Variants in ANO2 observed in about 807,000 individuals in gnomAD.
ANO2 encodes the protein anoctamin-2.
A neutral mutation model predicts 124.2 loss-of-function variants in ANO2; 101 were observed. The ratio of observed to expected loss-of-function variants is 0.81; its 90% confidence interval spans 0.69 to 0.96. The LOEUF is 0.96. ANO2 is among the 40% of genes least tolerant of loss of function. The pLI is 0.00. For synonymous variants in ANO2, 486 were observed against 482.5 expected, an observed-to-expected ratio of 1.01 and a Z score of -0.09; for missense variants, 1,293 against 1,274.5, an observed-to-expected ratio of 1.01 and a Z score of -0.22.
intron 10 of ANO2, among the ~76,000 whole-genome samples, chr12:5,796,348 ACT>A (rs576594532): frequency 3.3e-5 from 5 of 149,754 alleles, no homozygotes; most frequent in Non-Finnish European, 5.9e-5. Flanking sequence ...GCACGCTCAC[ACT>A]CTCACACACA....
At position 5,784,890 on chromosome 12, in the gene ANO2, C is replaced by A. The variant is rs555788388; in HGVS notation, c.1055+14617G>T. Among the ~76,000 whole-genome samples, 12 of 152,302 alleles carry A rather than the reference C, an allele frequency of 7.9e-5. No homozygotes were observed. The South Asian group carries it at 1.5e-3, about 18-fold the overall frequency. ...AGCCCTTCACCAGGCCTCTCCCCTG[C>A]CGAGTTTGCTCATTGCTTGAAGTCT... is the stretch of plus-strand genomic sequence containing the variant. On this transcript the variant is annotated intron_variant, in intron 10 of 24. Transcript: ENST00000682330.
At chr12:5,857,772 TGATAGATAGATAGATAGATA>T (rs59071869) in intron 3 of ANO2, among the ~76,000 whole-genome samples, 22 of 148,410 alleles carry the variant, frequency 1.5e-4, no homozygotes, top group Admixed American at 6.8e-4. Context: ...AAAAGAAATG[TGATAGATAGATAGATAGATA>T]GATAGATAGA....
rs1565437822 is a variant in ANO2 at position 5,583,478 on chromosome 12, CCCG to C, written c.2234-4963_2234-4961del. On this transcript the variant is annotated intron_variant, in intron 20 of 24. Coordinates refer to ENST00000682330, the MANE Select transcript of ANO2 (RefSeq NM_001364791.2). ...ACCATCTTGGCTAACACGGTGAAAC[CCCG>C]TCTCTACTAAAAATACAAAAAATTA... 5.9e-5 allele frequency among the ~76,000 whole-genome samples: 9 copies of C among 151,366 alleles called. No homozygotes were observed. The East Asian group carries it at 1.2e-3, about 20-fold the overall frequency.
At chr12:5,788,644 T>C (rs1952610168) in intron 10 of ANO2, among the ~76,000 whole-genome samples, 1 of 152,202 alleles carries the variant, frequency 6.6e-6, no homozygotes, top group Non-Finnish European at 1.5e-5. Flanking sequence ...CTGCAACCTC[T>C]GCCTCCAGGG....
chr12:5,686,151 C>T (rs1948697634), intron 14 of ANO2, among the ~76,000 whole-genome samples: 1 of 152,116 alleles, frequency 6.6e-6, no homozygotes, highest in South Asian at 2.1e-4. Context: ...ACAGTAAAGT[C>T]CCCTTCCCCT....
At chr12:5,605,611 T>C (rs1944179340) in intron 19 of ANO2, among the ~76,000 whole-genome samples, 1 of 152,176 alleles carries the variant, frequency 6.6e-6, no homozygotes, top group African/African-American at 2.4e-5. Context: ...CCATTTCCAA[T>C]TTTGCTTCGA....
chr12:5,612,451 G>T (rs1394181923), intron 19 of ANO2, among the ~76,000 whole-genome samples: 1 of 152,150 alleles, frequency 6.6e-6, no homozygotes, highest in Non-Finnish European at 1.5e-5. Flanking sequence ...TAAGCAAAGG[G>T]TAAATCCTTC....
intron 15 of ANO2, among the ~76,000 whole-genome samples, chr12:5,646,074 C>T (rs1271545284): frequency 6.6e-6 from 1 of 152,178 alleles, no homozygotes; most frequent in Non-Finnish European, 1.5e-5. Flanking sequence ...CTGAACATAG[C>T]CCTTTGGAGT....
rs1183535721 is a variant in ANO2, at chr12:5,945,195, C to CCG, written c.21_22dup (p.Asp8AlafsTer13). The CCG allele has an allele frequency of 7.8e-7, 1 of 1,288,852 alleles. No individual in the cohort carries two copies. The highest frequency in any genetic ancestry group is 1.0e-6 in the Non-Finnish European group (1 of 988,310). The allele number at this position is 1,288,852 out of a possible 1,614,324, so 79.8% of individuals were successfully genotyped here. ...GGACCAGGTCCAGCCGGAAAACTCA[C>CCG]CGCGCGGCCCGGGAGTCGCCATGAT... On this transcript the variant is annotated frameshift_variant and splice_region_variant. Coordinates refer to ENST00000682330, the MANE Select transcript of ANO2 (RefSeq NM_001364791.2). LOFTEE classifies it high-confidence loss of function.
At chr12:5,722,375 C>T (rs531546484) in intron 14 of ANO2, among the ~76,000 whole-genome samples, 7 of 152,124 alleles carry the variant, frequency 4.6e-5, no homozygotes, top group South Asian at 4.2e-4. Flanking sequence ...GGCGCAGTGG[C>T]GGGCGCCTGT....
chr12:5,602,111 A>G (rs1257373690), intron 19 of ANO2, among the ~76,000 whole-genome samples: 1 of 152,240 alleles, frequency 6.6e-6, no homozygotes, highest in African/African-American at 2.4e-5. Context: ...GAGAAAAATG[A>G]GCCAGGAAAA....
intron 10 of ANO2, among the ~76,000 whole-genome samples, chr12:5,784,990 CAG>C (rs1952500301): frequency 6.6e-6 from 1 of 152,216 alleles, no homozygotes; most frequent in South Asian, 2.1e-4. Context: ...CATGGATAGA[CAG>C]GGCTGCTCTT....
At chr12:5,840,834 G>A (rs544049431) in intron 4 of ANO2, among the ~76,000 whole-genome samples, 17 of 152,116 alleles carry the variant, frequency 1.1e-4, no homozygotes, top group Non-Finnish European at 2.4e-4. Context: ...TCCTCCAGTC[G>A]CTGGATCATC....
intron 15 of ANO2, among the ~76,000 whole-genome samples, chr12:5,637,513 A>G (rs1282081630): frequency 6.7e-6 from 1 of 148,254 alleles, no homozygotes; most frequent in Non-Finnish European, 1.5e-5. Context: ...CCCAGCTGCT[A>G]AACTAGAGAA....
At chr12:5,660,458 C>A (rs1947382285) in intron 14 of ANO2, among the ~76,000 whole-genome samples, 1 of 150,196 alleles carries the variant, frequency 6.7e-6, no homozygotes, top group South Asian at 2.1e-4. Flanking sequence ...CATAGCAAAA[C>A]CTTAGCATGA....
intron 3 of ANO2, among the ~76,000 whole-genome samples, chr12:5,867,552 T>C (rs915047350): frequency 2.0e-5 from 3 of 152,138 alleles, no homozygotes; most frequent in African/African-American, 7.2e-5. Context: ...TGAAAATTAC[T>C]GTGCTGCCCC....
At chr12:5,849,417 C>T (rs996550178) in intron 4 of ANO2, among the ~76,000 whole-genome samples, 3 of 152,210 alleles carry the variant, frequency 2.0e-5, no homozygotes, top group South Asian at 2.1e-4. Flanking sequence ...ATGTTGACCA[C>T]GATCTCTAGA....
intron 3 of ANO2, among the ~76,000 whole-genome samples, chr12:5,901,448 C>G (rs1940200644): frequency 6.6e-6 from 1 of 152,148 alleles, no homozygotes; most frequent in Non-Finnish European, 1.5e-5. Context: ...GAGATGGCAG[C>G]AAGAAAGGTT....
chr12:5,867,396 T>C (rs1021470231), intron 3 of ANO2, among the ~76,000 whole-genome samples: 1 of 152,210 alleles, frequency 6.6e-6, no homozygotes, highest in Non-Finnish European at 1.5e-5. Context: ...ACTGTCACAA[T>C]GACAGGGAAA....
Sources: allele counts gnomAD v4.1 joint callset (sites outside exome capture counted in the v4.1 genomes callset), GRCh38; gene constraint gnomAD v4.1.1; transcripts MANE v1.5; gene names NCBI Gene and HGNC (gene_info 2026-07-23, HGNC 2026-07-21).